The following AMOT variants were observed in gnomAD, a reference collection of about 807,000 sequenced individuals.
AMOT encodes the protein angiomotin.
A neutral mutation model predicts 67.0 loss-of-function variants in AMOT; 11 were observed. The observed-to-expected ratio is 0.16, with a 90% CI of 0.10 to 0.27. The LOEUF (loss-of-function observed/expected upper bound fraction) is 0.27, where lower values mean the gene tolerates loss of function less well. Among genes scored for constraint, AMOT ranks in the 10% least tolerant of loss-of-function variants. The pLI, the probability that AMOT is intolerant of heterozygous loss-of-function variation, is 1.00. For missense variants in AMOT, 753 were observed against 852.0 expected, an observed-to-expected ratio of 0.88 and a Z score of 1.45; for synonymous variants, 326 against 321.4, an observed-to-expected ratio of 1.01 and a Z score of -0.15.
chrX:112,805,437 T>C (rs1056529593), intron 7 of AMOT, among the ~76,000 whole-genome samples: 3 of 108,059 alleles, frequency 2.8e-5, no homozygotes, highest in African/African-American at 6.7e-5. Context: ...GAAGAAAAGG[T>C]AGGCTCATCT....
At chrX:112,801,517 A>C (rs757321961) in intron 8 of AMOT, among the ~76,000 whole-genome samples, 11 of 111,671 alleles carry the variant, frequency 9.9e-5, no homozygotes, top group Non-Finnish European at 2.1e-4. Context: ...CCTGGATGTC[A>C]GCAGAGCCAG....
Position 112,805,104 on chromosome X carries a change from T to C in AMOT, c.1631-12A>G. The C allele has an allele frequency of 1.7e-6, 2 of 1,210,782 alleles. No homozygotes were observed. The highest frequency in any genetic ancestry group is 1.8e-5 in the South Asian group (1 of 56,873). ...CTGGCTTTCTTTATCTGTCAGGACATTAAACATCAACACTGCCAGCCTGGA... is the reference window on the plus strand; with the variant it reads ...CTGGCTTTCTTTATCTGTCAGGACACTAAACATCAACACTGCCAGCCTGGA... On this transcript the variant is annotated splice_polypyrimidine_tract_variant and intron_variant, in intron 7 of 13. Coordinates refer to ENST00000371959, the MANE Select transcript of AMOT (RefSeq NM_001113490.2).
intron 5 of AMOT, among the ~76,000 whole-genome samples, chrX:112,813,106 A>G (rs976404133): frequency 8.9e-6 from 1 of 112,506 alleles, no homozygotes; most frequent in African/African-American, 3.2e-5. Context: ...CAGCATTTAT[A>G]GTTCAAGGCT....
chrX:112,832,635 T>A (rs1006007367), intron 1 of AMOT, among the ~76,000 whole-genome samples: 20 of 111,912 alleles, frequency 1.8e-4, no homozygotes, highest in African/African-American at 6.2e-4. Flanking sequence ...CCTGAAACAC[T>A]CTAACAGTAT....
In AMOT at chrX:112,779,675, G is replaced by A. The variant is rs759471559; in HGVS notation, c.2479C>T (p.Leu827Phe). The A allele has an allele frequency of 3.6e-5, 43 of 1,184,660 alleles. No individual in the cohort carries two copies. Among genetic ancestry groups the A allele is most frequent in the Non-Finnish European group, 4.8e-5 (42 of 878,437 alleles). ...DKSWKGSLGI[L>F]LGGDYRAEYV... ...TCAGCACGGTAGTCTCCACCCAGGAGAATGCCTACAAATGAAAGAGGAACA... is the reference window on the plus strand; with the variant it reads ...TCAGCACGGTAGTCTCCACCCAGGAAAATGCCTACAAATGAAAGAGGAACA... Residue 827 changes from leucine to phenylalanine, a missense_variant, in exon 13 of 14, where the codon CTC becomes TTC. Leu to Phe is a conservative substitution (Grantham distance 22). Around this residue, in one of 5 missense-constraint regions of AMOT, gnomAD observed 269 missense variants for 300.9 expected, o/e 0.89. Coordinates refer to ENST00000371959, the MANE Select transcript of AMOT (RefSeq NM_001113490.2).
At chrX:112,815,193 G>C (rs1476139371) in intron 5 of AMOT, among the ~76,000 whole-genome samples, 165 bp downstream of exon 5, 6 of 111,810 alleles carry the variant, frequency 5.4e-5, no homozygotes, top group Non-Finnish European at 1.1e-4. Context: ...ACAGGTAGAA[G>C]GCTTTTTCCA....
At position 112,827,905 on chromosome X, in the gene AMOT, A is replaced by G. The variant is rs1405152735; in HGVS notation, c.-211-2685T>C. Among the ~76,000 whole-genome samples the G allele has an allele frequency of 2.7e-5, 3 of 111,941 alleles. No homozygotes were observed. The East Asian group carries it at 8.4e-4, about 31-fold the overall frequency. On this transcript the variant is annotated intron_variant, in intron 2 of 13. Coordinates refer to ENST00000371959, the MANE Select transcript of AMOT (RefSeq NM_001113490.2). The stretch of plus-strand genomic sequence containing the variant: ...TCTCATTCTACCAACCAGGATAAAG[A>G]ATCTAAGTCTAAGAAAGCTGTTTCT...
chrX:112,835,415 C>T (rs1453010522), intron 1 of AMOT, among the ~76,000 whole-genome samples: 1 of 110,240 alleles, frequency 9.1e-6, no homozygotes, highest in Non-Finnish European at 1.9e-5. Context: ...TTGGCAAATA[C>T]ACCCATTTGC....
Position 112,777,589 on chromosome X carries a change from T to G in AMOT, c.*978A>C, listed in dbSNP as rs754046013. On this transcript the variant is annotated 3_prime_UTR_variant, in exon 14 of 14. Transcript: ENST00000371959. The stretch of plus-strand genomic sequence containing the variant: ...AAAGCATTCAACCTGTCAACAAAGA[T>G]CCTTCCTCACTTTGCAAATGATTGG... 6 of 112,334 alleles carry G rather than the reference T, an allele frequency of 5.3e-5. No homozygotes were observed. Among genetic ancestry groups the G allele is most frequent in the Non-Finnish European group, 1.1e-4 (6 of 53,287 alleles). 9.3% of individuals were successfully genotyped at this position (112,334 alleles called of 1,213,427 possible).
At chrX:112,804,898 T>TTGCCCCCCCCCCCCC in intron 8 of AMOT, 49 bp downstream of exon 8, 32 of 837,540 alleles carry the variant, frequency 3.8e-5, no homozygotes, top group Non-Finnish European at 4.5e-5. Flanking sequence ...GTCCCCGATT[T>TTGCCCCCCCCCCCCC]CCCAGCCCTC....
chrX:112,812,513 G>A (rs952435426), intron 5 of AMOT, among the ~76,000 whole-genome samples: 1 of 111,458 alleles, frequency 9.0e-6, no homozygotes, highest in African/African-American at 3.3e-5. Context: ...AGAGAGAAAG[G>A]GTCTTCCCCT....
At chrX:112,819,764 T>G (rs1424986548) in intron 4 of AMOT, among the ~76,000 whole-genome samples, 3 of 112,561 alleles carry the variant, frequency 2.7e-5, no homozygotes, top group African/African-American at 9.7e-5. Context: ...ATTTTGTTCA[T>G]TTTAACAGCA....
intron 4 of AMOT, among the ~76,000 whole-genome samples, chrX:112,818,322 A>G (rs1934624046): frequency 9.0e-6 from 1 of 111,002 alleles, no homozygotes; most frequent in African/African-American, 3.3e-5. Context: ...CATTCCCTGG[A>G]CAACAGCACA....
chrX:112,778,801 T>G, intron 13 of AMOT, 137 bp from the exon 14 acceptor site: 1 of 699,885 alleles, frequency 1.4e-6, no homozygotes, highest in African/African-American at 2.1e-5. Flanking sequence ...TTACTTCTGC[T>G]AAGATAATGG....
chrX:112,812,185 T>C (rs891649163), intron 5 of AMOT, among the ~76,000 whole-genome samples: 2 of 111,589 alleles, frequency 1.8e-5, no homozygotes, highest in African/African-American at 3.3e-5. Context: ...GCATTTACAG[T>C]CAGATCCTGA....
At chrX:112,792,359 T>A (rs1933641513) in intron 8 of AMOT, among the ~76,000 whole-genome samples, 1 of 112,369 alleles carries the variant, frequency 8.9e-6, no homozygotes, top group Non-Finnish European at 1.9e-5. Context: ...AGGCATATCT[T>A]ATTTTGGTTA....
rs1932947713 is a variant in AMOT at position 112,776,668 on chromosome X, T to C, written c.*1899A>G. On this transcript the variant is annotated 3_prime_UTR_variant, in exon 14 of 14. Coordinates refer to ENST00000371959, the MANE Select transcript of AMOT (RefSeq NM_001113490.2). ...CCAAAAGATTATCTAAGATACCCAA[T>C]CTCCTAGAAAGAAGTGGGATTGGTT... 1 of 111,325 alleles carries C rather than the reference T, an allele frequency of 9.0e-6. No homozygotes were observed. The highest frequency in any genetic ancestry group is 3.3e-5 in the African/African-American group (1 of 30,493). The allele number at this position is 111,325 out of a possible 1,213,427, so 9.2% of individuals were successfully genotyped here.
At chrX:112,824,474 A>C (rs1434758667) in intron 3 of AMOT, among the ~76,000 whole-genome samples, 1 of 111,638 alleles carries the variant, frequency 9.0e-6, no homozygotes, top group East Asian at 2.8e-4. Flanking sequence ...TCTCTCTGGA[A>C]ACACGAACCC....
chrX:112,791,268 A>T (rs1483808323), intron 9 of AMOT, among the ~76,000 whole-genome samples: 1 of 110,449 alleles, frequency 9.1e-6, no homozygotes, highest in African/African-American at 3.3e-5. Context: ...GCACACCTGT[A>T]ATCCCAACTA....
Sources: allele counts gnomAD v4.1 joint callset (sites outside exome capture counted in the v4.1 genomes callset), GRCh38; gene constraint gnomAD v4.1.1; regional missense constraint gnomAD v4.1.1; transcripts MANE v1.5; gene names NCBI Gene and HGNC (gene_info 2026-07-23, HGNC 2026-07-21).